FBXL7: variants seen among roughly 807,000 people sequenced by gnomAD.
FBXL7 encodes the protein F-box and leucine rich repeat protein 7, also known as F-box/LRR-repeat protein 7.
A neutral mutation model predicts 38.3 loss-of-function variants in FBXL7; 12 were observed. The ratio of observed to expected loss-of-function variants is 0.31; its 90% confidence interval spans 0.20 to 0.51. FBXL7 has a LOEUF of 0.51. FBXL7 is among the 20% of genes least tolerant of loss of function. The pLI is 0.98. For missense variants in FBXL7, 567 were observed against 676.4 expected, an observed-to-expected ratio of 0.84 and a Z score of 1.79; for synonymous variants, 297 against 300.9, an observed-to-expected ratio of 0.99 and a Z score of 0.13.
intron 2 of FBXL7, among the ~76,000 whole-genome samples, chr5:15,826,501 C>A (rs999523611): frequency 7.2e-5 from 11 of 152,172 alleles, no homozygotes; most frequent in African/African-American, 2.7e-4. Context: ...TCACTGCAAC[C>A]TCCACCTCCC....
intron 2 of FBXL7, among the ~76,000 whole-genome samples, chr5:15,722,816 G>A (rs1579408062): frequency 6.6e-6 from 1 of 151,868 alleles, no homozygotes; most frequent in East Asian, 1.9e-4. Flanking sequence ...CCAGCTACTC[G>A]GAAGGCTGAG....
chr5:15,619,047 C>T (rs906564774), intron 2 of FBXL7, among the ~76,000 whole-genome samples: 2 of 152,152 alleles, frequency 1.3e-5, no homozygotes, highest in Admixed American at 6.6e-5. Flanking sequence ...TATAAGCTCA[C>T]CTCTTTCCCA....
chr5:15,673,105 C>A (rs1742536496), intron 2 of FBXL7, among the ~76,000 whole-genome samples: 1 of 151,990 alleles, frequency 6.6e-6, no homozygotes, highest in Non-Finnish European at 1.5e-5. Flanking sequence ...CACCTGAGGT[C>A]AGGAGTTTGA....
chr5:15,936,681 C>T lies in FBXL7; in HGVS notation c.971C>T (p.Ala324Val). ...CTGCGCTACCTGGTGATCTACTGCG[C>T]CTCCATCAAGGAGCTGAGCGTCAGC... Reference protein sequence around the residue: ...EGLRYLVIYCASIKELSVSDC... With the variant: ...EGLRYLVIYCVSIKELSVSDC... The change falls in exon 4 of 4, where the codon GCC becomes GTC. Residue 324 changes from alanine (A) to valine (V), a missense_variant. Coordinates refer to ENST00000504595, the MANE Select transcript of FBXL7 (RefSeq NM_012304.5). The surrounding 1 kb of genome is among the most constrained non-coding windows in gnomAD (Gnocchi z 6.0). 6.2e-7 allele frequency: 1 copy of T among 1,608,450 alleles called. No individual in the cohort carries two copies. The highest frequency in any genetic ancestry group is 8.5e-7 in the Non-Finnish European group (1 of 1,179,686).
At chr5:15,793,935 A>G (rs1413440478) in intron 2 of FBXL7, among the ~76,000 whole-genome samples, 3 of 152,282 alleles carry the variant, frequency 2.0e-5, no homozygotes, top group Non-Finnish European at 2.9e-5. Context: ...CGCCTCTCCC[A>G]TGTTATCCTG....
At chr5:15,669,231 A>C (rs540705432) in intron 2 of FBXL7, among the ~76,000 whole-genome samples, 1 of 152,220 alleles carries the variant, frequency 6.6e-6, no homozygotes, top group Non-Finnish European at 1.5e-5. Context: ...CAAGTGTAGA[A>C]TGTTTTCTTA....
chr5:15,655,230 T>C (rs1457327366), intron 2 of FBXL7, among the ~76,000 whole-genome samples: 4 of 152,194 alleles, frequency 2.6e-5, no homozygotes, highest in African/African-American at 9.7e-5. Flanking sequence ...GTGCGGTGGC[T>C]CACGCCTGTA....
chr5:15,583,754 C>G (rs563731394), intron 1 of FBXL7, among the ~76,000 whole-genome samples: 3 of 152,300 alleles, frequency 2.0e-5, no homozygotes, highest in Admixed American at 2.0e-4. Flanking sequence ...GTTGGTGGAT[C>G]TACCATTCTG....
At chr5:15,845,199 A>G (rs1738859716) in intron 2 of FBXL7, among the ~76,000 whole-genome samples, 1 of 152,196 alleles carries the variant, frequency 6.6e-6, no homozygotes, top group African/African-American at 2.4e-5. Flanking sequence ...CAACTTGAGG[A>G]AGCACACATT....
intron 2 of FBXL7, among the ~76,000 whole-genome samples, chr5:15,795,109 C>G (rs982861829): frequency 3.9e-5 from 6 of 152,160 alleles, no homozygotes; most frequent in Non-Finnish European, 7.3e-5. Context: ...TGGCTACACC[C>G]TATGTCCAGT....
chr5:15,555,974 C>CATCTGTCT (rs1738217525), intron 1 of FBXL7, among the ~76,000 whole-genome samples: 1 of 140,890 alleles, frequency 7.1e-6, no homozygotes, highest in Admixed American at 7.0e-5. Flanking sequence ...ATCTGTCTAT[C>CATCTGTCT]ATCTATCTAT....
chr5:15,856,711 T>G (rs1217087421), intron 2 of FBXL7, among the ~76,000 whole-genome samples: 1 of 152,188 alleles, frequency 6.6e-6, no homozygotes, highest in Non-Finnish European at 1.5e-5. Context: ...TTTTACTGCT[T>G]TCATTCACTT....
intron 3 of FBXL7, chr5:15,935,235 G>A (rs1292276078): frequency 3.7e-6 from 2 of 534,646 alleles, no homozygotes; most frequent in African/African-American, 3.9e-5. Context: ...TGGAGTGAAC[G>A]GGCGCCATCC....
chr5:15,706,554 G>C (rs943458699), intron 2 of FBXL7, among the ~76,000 whole-genome samples: 2 of 152,224 alleles, frequency 1.3e-5, no homozygotes, highest in Non-Finnish European at 2.9e-5. Flanking sequence ...GAGAAAGCAA[G>C]AATGGAAGTG....
At chr5:15,612,796 A>T (rs1740479558) in intron 1 of FBXL7, among the ~76,000 whole-genome samples, 2 of 152,168 alleles carry the variant, frequency 1.3e-5, no homozygotes, top group Admixed American at 6.5e-5. Context: ...GAGGAAAGTG[A>T]TATGCAGGTT....
At chr5:15,614,385 G>A (rs1740372117) in intron 1 of FBXL7, among the ~76,000 whole-genome samples, 1 of 151,356 alleles carries the variant, frequency 6.6e-6, no homozygotes, top group African/African-American at 2.4e-5. Flanking sequence ...TTCTTCTGCC[G>A]CAGACTCCCG....
At position 15,937,112 on chromosome 5, in the gene FBXL7, G is replaced by A. The variant is rs769802991; in HGVS notation, c.1402G>A (p.Val468Met). The A allele has an allele frequency of 7.4e-6, 12 of 1,613,464 alleles. No homozygotes were observed. The highest frequency in any genetic ancestry group is 6.7e-5 in the East Asian group (3 of 44,864). The change falls in exon 4 of 4, where the codon GTG becomes ATG. Residue 468 changes from valine to methionine, a missense_variant. Val to Met is a conservative substitution (Grantham distance 21). Coordinates refer to ENST00000504595, the MANE Select transcript of FBXL7 (RefSeq NM_012304.5). ...TLNVQDCEVS[V>M]EALRFVKRHC... is the part of the protein sequence containing the mutation. The stretch of plus-strand genomic sequence containing the variant: ...GAATGTCCAGGACTGCGAGGTCTCC[G>A]TGGAGGCCCTGCGCTTTGTCAAACG...
At chr5:15,840,697 AT>A (rs1352896683) in intron 2 of FBXL7, among the ~76,000 whole-genome samples, 1 of 151,996 alleles carries the variant, frequency 6.6e-6, no homozygotes, top group Admixed American at 6.6e-5. Flanking sequence ...AAATACAAAA[AT>A]TAGCTGGGCA....
chr5:15,860,165 T>C (rs1739416248), intron 2 of FBXL7, among the ~76,000 whole-genome samples: 1 of 152,208 alleles, frequency 6.6e-6, no homozygotes, highest in Non-Finnish European at 1.5e-5. Context: ...GGAAAATATA[T>C]AGGCATACGT....
Sources: gnomAD v4.1 joint callset for allele counts (sites outside exome capture counted in the v4.1 genomes callset) on GRCh38, gnomAD v4.1.1 for gene constraint, Gnocchi (gnomAD v3.1) non-coding constraint, MANE v1.5 for transcripts, NCBI Gene and HGNC (gene_info 2026-07-23, HGNC 2026-07-21) for gene names.